The following VEGFC variants were observed in gnomAD, a reference collection of about 807,000 sequenced individuals.
VEGFC encodes the protein FLT4 ligand DHM.
In VEGFC, 12 loss-of-function variants were observed where a neutral mutation model predicts 46.1. That is an observed-to-expected ratio of 0.26 (90% CI 0.17 to 0.42). VEGFC has a LOEUF of 0.42. Among genes scored for constraint, VEGFC ranks in the 10% least tolerant of loss-of-function variants. The probability of loss-of-function intolerance (pLI) is 1.00; values close to 1 mark genes in which losing one functional copy is unlikely to be tolerated. For synonymous variants in VEGFC, 232 were observed against 195.5 expected (o/e 1.19, Z -1.56); for missense variants, 488 against 529.4 (o/e 0.92, Z 0.77).
intron 1 of VEGFC, among the ~76,000 whole-genome samples, chr4:176,756,162 T>C (rs1560956746): frequency 6.6e-6 from 1 of 152,162 alleles, no homozygotes; most frequent in South Asian, 2.1e-4. Flanking sequence ...TAAGTGATAA[T>C]AACAATATAA....
intron 1 of VEGFC, among the ~76,000 whole-genome samples, chr4:176,737,271 AAT>A (rs1258551161): frequency 2.7e-4 from 22 of 81,742 alleles, no homozygotes; most frequent in South Asian, 2.6e-3. Flanking sequence ...ATAAATATAG[AAT>A]ATGTTTATAA....
intron 4 of VEGFC, chr4:176,689,352 T>A (rs2110966450): frequency 6.6e-6 from 1 of 152,280 alleles, no homozygotes; most frequent in African/African-American, 2.4e-5. Flanking sequence ...TCTTACAGCA[T>A]CACATAGAGG....
intron 4 of VEGFC, among the ~76,000 whole-genome samples, chr4:176,700,263 A>G (rs2110985064): frequency 6.6e-6 from 1 of 152,258 alleles, no homozygotes; most frequent in South Asian, 2.1e-4. Flanking sequence ...CTAAAAATAT[A>G]CAAATTAGCC....
At chr4:176,781,561 TAAC>T (rs1285913130) in intron 1 of VEGFC, among the ~76,000 whole-genome samples, 13 of 152,190 alleles carry the variant, frequency 8.5e-5, no homozygotes, top group Non-Finnish European at 1.8e-4. Context: ...TGAGTGGAAA[TAAC>T]AATCCCTTTT....
chr4:176,764,826 T>C (rs1416896802), intron 1 of VEGFC, among the ~76,000 whole-genome samples: 9 of 151,962 alleles, frequency 5.9e-5, no homozygotes. Context: ...AATTTTTAAA[T>C]AAAACATCAA....
chr4:176,768,503 T>TATATATATATATAC (rs1735669133), intron 1 of VEGFC, among the ~76,000 whole-genome samples: 1 of 143,954 alleles, frequency 6.9e-6, no homozygotes, highest in Non-Finnish European at 1.5e-5. Context: ...TATATATATA[T>TATATATATATATAC]ATATATATAT....
At position 176,774,115 on chromosome 4, in the gene VEGFC, G is replaced by A. The variant is rs1305634122; in HGVS notation, c.147+18050C>T. Among the ~76,000 whole-genome samples, 6 of 133,618 alleles carry A rather than the reference G, an allele frequency of 4.5e-5. No individual in the cohort carries two copies. In the East Asian group the frequency reaches 1.4e-3, roughly 32 times the overall value. 87.7% of individuals were successfully genotyped at this position (133,618 alleles called of 152,430 possible). A position where few individuals can be genotyped will look rare whatever the true frequency, so the allele number is the denominator to read the frequency against. On this transcript the variant is annotated intron_variant, in intron 1 of 6. Coordinates refer to ENST00000618562, the MANE Select transcript of VEGFC (RefSeq NM_005429.5). The stretch of plus-strand genomic sequence containing the variant: ...GTATTCTCTGCTTGTGAAATTTACT[G>A]GTTCCCTGTGCATTGCTAGGAAAAA...
chr4:176,755,705 C>T (rs1735421354), intron 1 of VEGFC, among the ~76,000 whole-genome samples: 1 of 151,952 alleles, frequency 6.6e-6, no homozygotes, highest in Non-Finnish European at 1.5e-5. Context: ...TATCATACAT[C>T]CATAATCCTA....
chr4:176,782,607 A>G (rs1735935876), intron 1 of VEGFC, among the ~76,000 whole-genome samples: 1 of 152,186 alleles, frequency 6.6e-6, no homozygotes, highest in South Asian at 2.1e-4. Flanking sequence ...GCACTGAACT[A>G]TAAAGCTTCA....
At chr4:176,789,437 ATGAAT>A (rs1484389501) in intron 1 of VEGFC, among the ~76,000 whole-genome samples, 18 of 152,240 alleles carry the variant, frequency 1.2e-4, no homozygotes, top group South Asian at 4.1e-4. Context: ...AAAATGAAAG[ATGAAT>A]TGAACTTTCT....
chr4:176,740,111 A>ATTC (rs1297662748), intron 1 of VEGFC, among the ~76,000 whole-genome samples: 1 of 128,528 alleles, frequency 7.8e-6, no homozygotes, highest in African/African-American at 2.9e-5. Context: ...TATATTCTAT[A>ATTC]TATATATTCT....
intron 1 of VEGFC, among the ~76,000 whole-genome samples, chr4:176,782,581 T>C (rs1735935417): frequency 6.6e-6 from 1 of 152,108 alleles, no homozygotes; most frequent in African/African-American, 2.4e-5. Flanking sequence ...AATTCTATAA[T>C]TGGGAAAACA....
intron 1 of VEGFC, among the ~76,000 whole-genome samples, chr4:176,782,227 G>A (rs1238854135): frequency 2.0e-5 from 3 of 152,204 alleles, no homozygotes; most frequent in Non-Finnish European, 2.9e-5. Context: ...AGCACTTTGG[G>A]AGGCCAAGGC....
intron 4 of VEGFC, among the ~76,000 whole-genome samples, chr4:176,710,398 T>G (rs1161168557): frequency 6.6e-6 from 1 of 152,118 alleles, no homozygotes; most frequent in African/African-American, 2.4e-5. Context: ...CAAATGTCTG[T>G]AAGATCTTTG....
At chr4:176,689,128 T>G (rs1201035084) in intron 4 of VEGFC, among the ~76,000 whole-genome samples, 1 of 152,192 alleles carries the variant, frequency 6.6e-6, no homozygotes, top group Admixed American at 6.5e-5. Context: ...TAGAAGTATT[T>G]ATTTATATCT....
chr4:176,725,363 G>A (rs1481451373), intron 3 of VEGFC, among the ~76,000 whole-genome samples: 1 of 152,120 alleles, frequency 6.6e-6, no homozygotes, highest in Non-Finnish European at 1.5e-5. Flanking sequence ...GAGTGCAGTG[G>A]TGCAATCCTA....
intron 1 of VEGFC, among the ~76,000 whole-genome samples, chr4:176,771,897 T>A (rs779519191): frequency 4.6e-5 from 7 of 152,214 alleles, no homozygotes; most frequent in Non-Finnish European, 8.8e-5. Context: ...GAGGAGCCTG[T>A]GATCTGAAAA....
chr4:176,755,804 C>T (rs770356425), intron 1 of VEGFC, among the ~76,000 whole-genome samples: 1 of 151,964 alleles, frequency 6.6e-6, no homozygotes, highest in Non-Finnish European at 1.5e-5. Flanking sequence ...CATTACTGTA[C>T]AGCCAGTCAG....
At position 176,758,434 on chromosome 4, in the gene VEGFC, C is replaced by T. The variant is rs139803064; in HGVS notation, c.148-28688G>A. ...CATATTTAGATGAACAAGTACCAAGCATCAATCATACCAGACACTTCCCAG... is the reference window on the plus strand; with the variant it reads ...CATATTTAGATGAACAAGTACCAAGTATCAATCATACCAGACACTTCCCAG... On this transcript the variant is annotated intron_variant, in intron 1 of 6. Coordinates refer to ENST00000618562, the MANE Select transcript of VEGFC (RefSeq NM_005429.5). Among the ~76,000 whole-genome samples the T allele has an allele frequency of 5.3e-3, 802 of 152,236 alleles. 2 individuals carry two copies. The highest frequency in any genetic ancestry group is 7.5e-3 in the Admixed American group (114 of 15,282).
Sources: gnomAD v4.1 joint callset for allele counts (sites outside exome capture counted in the v4.1 genomes callset) on GRCh38, gnomAD v4.1.1 for gene constraint, MANE v1.5 for transcripts, NCBI Gene and HGNC (gene_info 2026-07-23, HGNC 2026-07-21) for gene names.